Variants in ARFIP1 observed in about 807,000 individuals in gnomAD.
ARFIP1 encodes the protein arfaptin-1.
In ARFIP1, 24 loss-of-function variants were observed where a neutral mutation model predicts 42.5. The observed-to-expected ratio is 0.57, with a 90% CI of 0.41 to 0.80. The LOEUF (loss-of-function observed/expected upper bound fraction) is 0.80, where lower values mean the gene tolerates loss of function less well. Among genes scored for constraint, ARFIP1 ranks in the 30% least tolerant of loss-of-function variants. The pLI is 0.00. For synonymous variants in ARFIP1, 141 were observed against 153.7 expected, an observed-to-expected ratio of 0.92 and a Z score of 0.61; for missense variants, 354 against 434.0, an observed-to-expected ratio of 0.82 and a Z score of 1.64.
intron 2 of ARFIP1, among the ~76,000 whole-genome samples, chr4:152,830,510 G>A (rs143752896): frequency 1.2e-3 from 183 of 152,124 alleles, no homozygotes; most frequent in Non-Finnish European, 2.1e-3. Flanking sequence ...CAGAGTTTTC[G>A]TATTTTTGAA....
intron 2 of ARFIP1, among the ~76,000 whole-genome samples, chr4:152,837,432 A>G (rs963290721): frequency 6.6e-6 from 1 of 152,160 alleles, no homozygotes; most frequent in Non-Finnish European, 1.5e-5. Flanking sequence ...ATCCACACCA[A>G]CATGTACTGG....
chr4:152,887,267 G>A (rs977747015), intron 7 of ARFIP1, among the ~76,000 whole-genome samples: 38 of 151,990 alleles, frequency 2.5e-4, no homozygotes, highest in African/African-American at 9.2e-4. Context: ...ACAGTGGTGG[G>A]GTAACTATTT....
intron 1 of ARFIP1, among the ~76,000 whole-genome samples, chr4:152,805,915 C>T (rs1043486407): frequency 5.3e-5 from 8 of 152,196 alleles, no homozygotes; most frequent in Non-Finnish European, 5.9e-5. Flanking sequence ...TTATGTAATA[C>T]AAGGCGGGCT....
In ARFIP1 at chr4:152,870,764, C is replaced by G. The variant is rs757981251; in HGVS notation, c.214C>G (p.Pro72Ala). ...EAGAFQGSPA[P>A]PLPSVMSPSR... ...GTCTACCTTTTCAGGTTCCCCAGCA[C>G]CGCCACTGCCATCTGTTATGTCTCC... Residue 72 changes from proline (P) to alanine (A), a missense_variant, in exon 4 of 9, where the codon CCG (proline) becomes GCG (alanine). Transcript: ENST00000353617. 6.2e-7 allele frequency: 1 copy of G among 1,613,950 alleles called. No individual in the cohort carries two copies. Among genetic ancestry groups the G allele is most frequent in the Non-Finnish European group, 8.5e-7 (1 of 1,179,846 alleles).
In ARFIP1 at chr4:152,795,820, A is replaced by ATTTTTTTTTTTTTTTTTTTTTTTTTTTTT. The variant is rs56845391; in HGVS notation, c.-10+15598_-10+15626dup. On this transcript the variant is annotated intron_variant, in intron 1 of 8. Coordinates refer to ENST00000353617, the MANE Select transcript of ARFIP1 (RefSeq NM_001025595.3). Reference sequence around the variant, plus strand: ...CGATTGTTACTTGAGGGCCCTTGTAATTTTTTTTTTTTTTTTTTTTTTTTT... The same window carrying ATTTTTTTTTTTTTTTTTTTTTTTTTTTTT: ...CGATTGTTACTTGAGGGCCCTTGTAATTTTTTTTTTTTTTTTTTTTTTTTTTTTTTTTTTTTTTTTTTTTTTTTTTTTTT... Among the ~76,000 whole-genome samples the ATTTTTTTTTTTTTTTTTTTTTTTTTTTTT allele has an allele frequency of 2.5e-4, 7 of 28,068 alleles. 2 individuals carry two copies. The highest frequency in any genetic ancestry group is 4.6e-4 in the African/African-American group (3 of 6,518). 18.4% of individuals were successfully genotyped at this position (28,068 alleles called of 152,430 possible).
intron 1 of ARFIP1, among the ~76,000 whole-genome samples, chr4:152,799,215 A>G (rs1344445536): frequency 7.9e-6 from 1 of 127,062 alleles, no homozygotes; most frequent in Admixed American, 8.9e-5. Flanking sequence ...TGTTGTAATG[A>G]ATAGATATAC....
At chr4:152,821,358 C>T (rs1175050471) in intron 1 of ARFIP1, among the ~76,000 whole-genome samples, 1 of 152,106 alleles carries the variant, frequency 6.6e-6, no homozygotes, top group African/African-American at 2.4e-5. Context: ...CAGTGGCAAG[C>T]TTTAACAATA....
chr4:152,804,136 A>AATATAAGATGTATTATATATTAT (rs1728692473), intron 1 of ARFIP1, among the ~76,000 whole-genome samples: 1 of 121,866 alleles, frequency 8.2e-6, no homozygotes, highest in Non-Finnish European at 1.6e-5. Flanking sequence ...TATTATATAT[A>AATATAAGATGTATTATATATTAT]ATATAACATG....
At chr4:152,862,363 A>T (rs1405592561) in intron 2 of ARFIP1, among the ~76,000 whole-genome samples, 1 of 152,086 alleles carries the variant, frequency 6.6e-6, no homozygotes, top group African/African-American at 2.4e-5. Context: ...CTGAATTCTT[A>T]ACTACATTAT....
intron 2 of ARFIP1, among the ~76,000 whole-genome samples, chr4:152,862,550 G>GA: frequency 6.6e-6 from 1 of 151,760 alleles, no homozygotes; most frequent in Non-Finnish European, 1.5e-5. Context: ...TAATGGTTTA[G>GA]AAAAAATATA....
At chr4:152,824,644 C>T (rs1024473487) in intron 1 of ARFIP1, among the ~76,000 whole-genome samples, 18 of 152,154 alleles carry the variant, frequency 1.2e-4, no homozygotes, top group African/African-American at 4.8e-5. Context: ...GAAGCATGCC[C>T]GCTTTCACTG....
At chr4:152,816,033 C>T (rs145455244) in intron 1 of ARFIP1, among the ~76,000 whole-genome samples, 1,938 of 152,164 alleles carry the variant, frequency 0.013, 21 homozygotes, top group Non-Finnish European at 0.016. Context: ...CGTGAGCCAC[C>T]GCGCCCGGCC....
intron 8 of ARFIP1, among the ~76,000 whole-genome samples, chr4:152,908,865 A>G (rs1738595913): frequency 6.7e-6 from 1 of 148,596 alleles, no homozygotes; most frequent in African/African-American, 2.5e-5. Context: ...AGTTTTGGAA[A>G]TCATTTTCAG....
chr4:152,854,579 C>T (rs960759800), intron 2 of ARFIP1, among the ~76,000 whole-genome samples: 2 of 152,110 alleles, frequency 1.3e-5, no homozygotes, highest in Admixed American at 6.5e-5. Flanking sequence ...CTGGTGTAAT[C>T]GTTTCTCCAT....
intron 4 of ARFIP1, among the ~76,000 whole-genome samples, chr4:152,871,318 C>T (rs1019519904): frequency 1.3e-5 from 2 of 152,158 alleles, no homozygotes; most frequent in African/African-American, 2.4e-5. Context: ...CAACACAATA[C>T]TGTTAATTTA....
At chr4:152,823,804 AGAATT>A (rs1399809858) in intron 1 of ARFIP1, among the ~76,000 whole-genome samples, 3 of 123,574 alleles carry the variant, frequency 2.4e-5, no homozygotes, top group African/African-American at 6.2e-5. Flanking sequence ...AAAAAAAAAA[AGAATT>A]GGTACCAATT....
At chr4:152,838,420 C>G (rs1211595501) in intron 2 of ARFIP1, among the ~76,000 whole-genome samples, 1 of 152,098 alleles carries the variant, frequency 6.6e-6, no homozygotes, top group African/African-American at 2.4e-5. Flanking sequence ...GGATGTGTTT[C>G]CATTTGTTTG....
chr4:152,908,751 G>A (rs1317818413), intron 8 of ARFIP1, among the ~76,000 whole-genome samples: 1 of 151,778 alleles, frequency 6.6e-6, no homozygotes, highest in Non-Finnish European at 1.5e-5. Flanking sequence ...CCTCTGTCAG[G>A]GCAGATTGCC....
intron 8 of ARFIP1, among the ~76,000 whole-genome samples, chr4:152,895,186 A>T (rs1737204558): frequency 6.6e-6 from 1 of 152,230 alleles, no homozygotes; most frequent in Non-Finnish European, 1.5e-5. Flanking sequence ...CCTAAGAGTA[A>T]GTATAGTGGC....
Sources: allele counts gnomAD v4.1 joint callset (sites outside exome capture counted in the v4.1 genomes callset), GRCh38; gene constraint gnomAD v4.1.1; transcripts MANE v1.5; gene names NCBI Gene and HGNC (gene_info 2026-07-23, HGNC 2026-07-21).